The following FAF1 variants were observed in gnomAD, a reference collection of about 807,000 sequenced individuals.
FAF1 encodes Fas associated factor 1, also known as FAS-associated factor 1.
In FAF1, 25 loss-of-function variants were observed where a neutral mutation model predicts 92.5. The ratio of observed to expected loss-of-function variants is 0.27; its 90% CI spans 0.20 to 0.38. The LOEUF (loss-of-function observed/expected upper bound fraction) is 0.38. Among genes scored for constraint, FAF1 ranks in the 10% least tolerant of loss-of-function variants. FAF1 has a pLI of 1.00. For missense variants in FAF1, 636 were observed against 793.3 expected (o/e 0.80, Z 2.38); for synonymous variants, 234 against 273.2 (o/e 0.86, Z 1.42).
At chr1:50,858,047 G>A (rs762368696) in intron 1 of FAF1, 50 bp from the exon 2 acceptor site, 11 of 1,323,950 alleles carry the variant, frequency 8.3e-6, no homozygotes, top group African/African-American at 3.0e-5. Flanking sequence ...GAAATAGGGA[G>A]GTAAATCAGA....
At chr1:50,510,384 G>A (rs1042468818) in intron 15 of FAF1, among the ~76,000 whole-genome samples, 1 of 152,034 alleles carries the variant, frequency 6.6e-6, no homozygotes, top group Non-Finnish European at 1.5e-5. Flanking sequence ...ACTGTTTAGG[G>A]AGGACCTGGG....
rs1300332393 is a variant in FAF1 at position 50,763,202 on chromosome 1, A to T, written c.368-18427T>A. On this transcript the variant is annotated intron_variant, in intron 4 of 18. Coordinates refer to ENST00000396153, the MANE Select transcript of FAF1 (RefSeq NM_007051.3). ...GAACTCAGGAGGTAGTGGTTGCTGT[A>T]AGCCGAGATGACGCCACTGCACTCC... Among the ~76,000 whole-genome samples the T allele has an allele frequency of 2.0e-5, 3 of 152,142 alleles. No individual in the cohort carries two copies. The East Asian group carries it at 5.8e-4, about 29-fold the overall frequency.
chr1:50,814,612 G>A (rs1643949657), intron 2 of FAF1, among the ~76,000 whole-genome samples: 1 of 152,130 alleles, frequency 6.6e-6, no homozygotes, highest in African/African-American at 2.4e-5. Context: ...CGAATAGTTA[G>A]ATACGTAAGA....
chr1:50,795,074 A>G (rs1011840586), intron 3 of FAF1, among the ~76,000 whole-genome samples: 7 of 152,208 alleles, frequency 4.6e-5, no homozygotes, highest in African/African-American at 1.7e-4. Context: ...GCATTAATGT[A>G]CAATGTGGCC....
At chr1:50,925,637 C>T (rs1645000329) in intron 1 of FAF1, among the ~76,000 whole-genome samples, 1 of 152,138 alleles carries the variant, frequency 6.6e-6, no homozygotes, top group African/African-American at 2.4e-5. Context: ...AACTCATACA[C>T]TGTTGGTGGG....
chr1:50,690,470 A>G (rs1175176327), intron 7 of FAF1, among the ~76,000 whole-genome samples: 3 of 151,986 alleles, frequency 2.0e-5, no homozygotes, highest in Non-Finnish European at 2.9e-5. Flanking sequence ...GTGTGGTGGC[A>G]CACGTCTGTA....
intron 13 of FAF1, among the ~76,000 whole-genome samples, chr1:50,546,262 T>G (rs1210604110): frequency 6.6e-6 from 1 of 152,234 alleles, no homozygotes; most frequent in Non-Finnish European, 1.5e-5. Context: ...TTAACTGATA[T>G]GGAATATCTT....
intron 7 of FAF1, among the ~76,000 whole-genome samples, chr1:50,673,942 ATG>A (rs1474282955): frequency 6.6e-6 from 1 of 151,610 alleles, no homozygotes; most frequent in African/African-American, 2.4e-5. Context: ...AAGGAAATCT[ATG>A]TGACTCTGAG....
chr1:50,503,108 G>C (rs1020259320), intron 15 of FAF1, among the ~76,000 whole-genome samples: 10 of 151,952 alleles, frequency 6.6e-5, no homozygotes, highest in Admixed American at 4.6e-4. Context: ...TGAGTAGCTG[G>C]GATTACAGGT....
At chr1:50,533,095 T>C (rs111604405) in intron 15 of FAF1, among the ~76,000 whole-genome samples, 35,548 of 152,042 alleles carry the variant, frequency 0.23, 4,577 homozygotes, top group Middle Eastern at 0.43. Context: ...GGATTACAGG[T>C]GTGAGCCACT....
At chr1:50,861,876 G>A (rs1644436114) in intron 1 of FAF1, among the ~76,000 whole-genome samples, 1 of 151,732 alleles carries the variant, frequency 6.6e-6, no homozygotes, top group African/African-American at 2.4e-5. Context: ...CTGCAAGTGA[G>A]AAAGAGAGCC....
intron 2 of FAF1, among the ~76,000 whole-genome samples, chr1:50,842,149 G>A (rs1284526503): frequency 6.6e-6 from 1 of 152,030 alleles, no homozygotes; most frequent in Non-Finnish European, 1.5e-5. Context: ...ACCCTAAGCA[G>A]GAGTGTTGGA....
chr1:50,449,521 C>T (rs1315597673), intron 18 of FAF1, among the ~76,000 whole-genome samples: 3 of 142,510 alleles, frequency 2.1e-5, no homozygotes, highest in African/African-American at 7.8e-5. Flanking sequence ...GACAGAGTCT[C>T]GCTCTGTTGC....
At chr1:50,536,766 T>C (rs1380513850) in intron 14 of FAF1, among the ~76,000 whole-genome samples, 1 of 152,182 alleles carries the variant, frequency 6.6e-6, no homozygotes, top group Non-Finnish European at 1.5e-5. Flanking sequence ...ACAAAGGCTT[T>C]AATGAATATT....
At chr1:50,466,205 A>C (rs1424258547) in intron 18 of FAF1, among the ~76,000 whole-genome samples, 1 of 152,182 alleles carries the variant, frequency 6.6e-6, no homozygotes, top group African/African-American at 2.4e-5. Flanking sequence ...GTATACTTTG[A>C]AAGTAAAACC....
intron 2 of FAF1, among the ~76,000 whole-genome samples, chr1:50,820,847 A>ATG (rs59160200): frequency 0.098 from 14,630 of 149,760 alleles, 781 homozygotes; most frequent in African/African-American, 0.13. Context: ...CTGAATAATA[A>ATG]TGTGTGTGTG....
intron 6 of FAF1, among the ~76,000 whole-genome samples, chr1:50,725,465 A>T (rs56014400): frequency 0.021 from 3,164 of 151,986 alleles, 45 homozygotes; most frequent in African/African-American, 0.038. Flanking sequence ...TTTAAAAAAA[A>T]TTTTTTTTGA....
At chr1:50,456,484 T>C (rs1646353956) in intron 18 of FAF1, among the ~76,000 whole-genome samples, 1 of 152,160 alleles carries the variant, frequency 6.6e-6, no homozygotes, top group Non-Finnish European at 1.5e-5. Flanking sequence ...AATGTCACTA[T>C]AATGTGGCCT....
intron 8 of FAF1, among the ~76,000 whole-genome samples, chr1:50,648,257 TCAAAACAAAACAAAA>T (rs548826664): frequency 3.1e-4 from 47 of 151,722 alleles, no homozygotes; most frequent in African/African-American, 1.0e-3. Context: ...AAACTCCGTC[TCAAAACAAAACAAAA>T]CAAAACAAAA....
Sources: allele counts gnomAD v4.1 joint callset (sites outside exome capture counted in the v4.1 genomes callset), GRCh38; gene constraint gnomAD v4.1.1; transcripts MANE v1.5; gene names NCBI Gene and HGNC (gene_info 2026-07-23, HGNC 2026-07-21).